KIF26B: variants seen among roughly 807,000 people sequenced by gnomAD.
The protein encoded by KIF26B is kinesin-like protein KIF26B.
KIF26B carries 63 observed loss-of-function variants against 151.2 expected under a neutral mutation model. That is an observed-to-expected ratio of 0.42 (90% CI 0.34 to 0.51). The LOEUF (loss-of-function observed/expected upper bound fraction) is 0.51, where lower values mean the gene tolerates loss of function less well. KIF26B is among the 20% of genes least tolerant of loss of function. The probability of loss-of-function intolerance (pLI) is 0.07; values close to 1 mark genes in which losing one functional copy is unlikely to be tolerated. For synonymous variants in KIF26B, 1,357 were observed against 1,262.1 expected, an observed-to-expected ratio of 1.08 and a Z score of -1.59; for missense variants, 2,813 against 2,913.6, an observed-to-expected ratio of 0.97 and a Z score of 0.79.
At position 245,166,146 on chromosome 1, in the gene KIF26B, C is replaced by G. The variant is rs1309903290; in HGVS notation, c.465+9463C>G. Among the ~76,000 whole-genome samples, 1 of 152,094 alleles carries G rather than the reference C, an allele frequency of 6.6e-6. No homozygotes were observed. The highest frequency in any genetic ancestry group is 2.4e-5 in the African/African-American group (1 of 41,400). On this transcript the variant is annotated intron_variant, in intron 2 of 14. Transcript: ENST00000407071. This position sits in a 1 kb window ranked among gnomAD's most constrained non-coding sequence, Gnocchi z 4.5. The stretch of plus-strand genomic sequence containing the variant: ...CATGACAGAGCCCCACCAGGAGGAT[C>G]GTGAGGATTAGGTGAAATTGTGAGA...
chr1:245,352,023 A>C lies in KIF26B; in HGVS notation c.466-14811A>C, dbSNP rs1672578516. On this transcript the variant is annotated intron_variant, in intron 2 of 14. Coordinates refer to ENST00000407071, the MANE Select transcript of KIF26B (RefSeq NM_018012.4). This position sits in a 1 kb window ranked among gnomAD's most constrained non-coding sequence, Gnocchi z 5.0. ...CATTTATATTGGAAAGCACTACATG[A>C]AAAAATGAGATTTGAAAGTTTTAGA... Among the ~76,000 whole-genome samples the C allele has an allele frequency of 6.6e-6, 1 of 152,248 alleles. No homozygotes were observed. The highest frequency in any genetic ancestry group is 2.1e-4 in the South Asian group (1 of 4,828).
intron 10 of KIF26B, among the ~76,000 whole-genome samples, chr1:245,664,869 C>T (rs2044196703): frequency 6.6e-6 from 1 of 152,194 alleles, no homozygotes; most frequent in Admixed American, 6.5e-5. Context: ...CATAATCCAA[C>T]TGCCTTACCT....
chr1:245,378,196 T>G (rs2103016119), intron 3 of KIF26B, among the ~76,000 whole-genome samples: 1 of 152,286 alleles, frequency 6.6e-6, no homozygotes, highest in East Asian at 1.9e-4. Context: ...GTTTTTATCT[T>G]TAGTAACATT....
At chr1:245,176,025 G>T (rs1208830157) in intron 2 of KIF26B, among the ~76,000 whole-genome samples, 13 of 149,334 alleles carry the variant, frequency 8.7e-5, no homozygotes. Flanking sequence ...TATTTTTTTT[G>T]AGACAGAGTC....
intron 4 of KIF26B, among the ~76,000 whole-genome samples, chr1:245,519,877 A>G (rs1275501763): frequency 6.6e-6 from 1 of 152,210 alleles, no homozygotes; most frequent in Non-Finnish European, 1.5e-5. Flanking sequence ...CTGAAACGTT[A>G]TACGGTGCAT....
At chr1:245,228,812 G>A (rs1669930534) in intron 2 of KIF26B, among the ~76,000 whole-genome samples, 1 of 152,174 alleles carries the variant, frequency 6.6e-6, no homozygotes, top group African/African-American at 2.4e-5. Flanking sequence ...GCCTAGTAGT[G>A]ATGGAGCAGA....
intron 4 of KIF26B, among the ~76,000 whole-genome samples, chr1:245,537,516 CAAGTT>C (rs1335497457): frequency 2.6e-5 from 4 of 152,142 alleles, no homozygotes; most frequent in Non-Finnish European, 1.5e-5. Flanking sequence ...AGATGGCAGA[CAAGTT>C]AGGAGACTGT....
At chr1:245,640,362 G>A (rs2043880103) in intron 9 of KIF26B, among the ~76,000 whole-genome samples, 1 of 151,266 alleles carries the variant, frequency 6.6e-6, no homozygotes, top group Non-Finnish European at 1.5e-5. Context: ...CCATTTGCAT[G>A]GAATGCTTTT....
chr1:245,532,816 G>A (rs1223137867), intron 4 of KIF26B, among the ~76,000 whole-genome samples: 5 of 152,068 alleles, frequency 3.3e-5, no homozygotes, highest in African/African-American at 1.2e-4. Context: ...TAGAGCCATG[G>A]AAATGACCTC....
chr1:245,527,428 A>G (rs971755550), intron 4 of KIF26B, among the ~76,000 whole-genome samples: 3 of 151,448 alleles, frequency 2.0e-5, no homozygotes, highest in Non-Finnish European at 4.4e-5. Context: ...CATCAATTCC[A>G]TTTAATAAGA....
rs1668789766 is a variant in KIF26B at position 245,175,634 on chromosome 1, A to G, written c.465+18951A>G. Among the ~76,000 whole-genome samples the G allele has an allele frequency of 2.0e-5, 3 of 152,278 alleles. No homozygotes were observed. The South Asian group carries it at 6.2e-4, about 32-fold the overall frequency. ...AAAAGCAAGTATAAAAGATGAGAAG[A>G]TGCAGTTTTGTGGCAAAGCGTAGAA... On this transcript the variant is annotated intron_variant, in intron 2 of 14. Transcript: ENST00000407071.
chr1:245,331,112 G>A (rs999494282), intron 2 of KIF26B, among the ~76,000 whole-genome samples: 10 of 151,994 alleles, frequency 6.6e-5, no homozygotes, highest in East Asian at 3.9e-4. Flanking sequence ...GGGAGTCTGC[G>A]GTATGACGTA....
chr1:245,687,802 G>T lies in KIF26B; in HGVS notation c.4819G>T (p.Asp1607Tyr), dbSNP rs765907806. 1 of 1,592,986 alleles carries T rather than the reference G, an allele frequency of 6.3e-7. No homozygotes were observed. The highest frequency in any genetic ancestry group is 1.1e-5 in the South Asian group (1 of 87,348). ...PLPPVRKSSL[D>Y]QKNRASPQHS... The stretch of plus-strand genomic sequence containing the variant: ...GCCCCCTGTCCGAAAGTCCAGCCTG[G>T]ACCAGAAGAACCGGGCCAGCCCTCA... Residue 1607 changes from aspartate (D) to tyrosine (Y), a missense_variant, in exon 12 of 15, where the codon GAC (aspartate) becomes TAC (tyrosine). By Grantham distance (160) the Asp-to-Tyr change is radical. Transcript: ENST00000407071. This position sits in a 1 kb window ranked among gnomAD's most constrained non-coding sequence, Gnocchi z 4.9.
chr1:245,266,167 T>C (rs1670740979), intron 2 of KIF26B, among the ~76,000 whole-genome samples: 1 of 151,958 alleles, frequency 6.6e-6, no homozygotes. Flanking sequence ...TTAGAGAAAA[T>C]AGGAATAGTT....
chr1:245,538,793 CA>C (rs1661539227), intron 4 of KIF26B, among the ~76,000 whole-genome samples: 2 of 152,142 alleles, frequency 1.3e-5, no homozygotes, highest in African/African-American at 4.8e-5. Flanking sequence ...TCCTCTGAGA[CA>C]TAGGCAGGCT....
chr1:245,193,872 C>T (rs1669150010), intron 2 of KIF26B, among the ~76,000 whole-genome samples: 1 of 152,222 alleles, frequency 6.6e-6, no homozygotes, highest in Admixed American at 6.5e-5. Flanking sequence ...ACTGGCAAAT[C>T]AATGGCAGAG....
At chr1:245,680,838 G>T (rs908887513) in intron 10 of KIF26B, among the ~76,000 whole-genome samples, 1 of 152,238 alleles carries the variant, frequency 6.6e-6, no homozygotes, top group Admixed American at 6.5e-5. Flanking sequence ...CCCCGCCGAG[G>T]TGGAGCGTGC....
chr1:245,389,040 C>A (rs1673622867), intron 3 of KIF26B, among the ~76,000 whole-genome samples: 1 of 152,186 alleles, frequency 6.6e-6, no homozygotes, highest in Non-Finnish European at 1.5e-5. Context: ...CTCTCTCTTG[C>A]CAGGAAAGTT....
At chr1:245,327,337 G>A (rs554041095) in intron 2 of KIF26B, among the ~76,000 whole-genome samples, 4 of 152,304 alleles carry the variant, frequency 2.6e-5, no homozygotes, top group African/African-American at 9.6e-5. Flanking sequence ...CTGATGTAGT[G>A]GTCTCATTTT....
Sources: allele counts gnomAD v4.1 joint callset (sites outside exome capture counted in the v4.1 genomes callset), GRCh38; gene constraint gnomAD v4.1.1; non-coding constraint Gnocchi (gnomAD v3.1); transcripts MANE v1.5; gene names NCBI Gene and HGNC (gene_info 2026-07-23, HGNC 2026-07-21).